TENM3: variants seen among roughly 807,000 people sequenced by gnomAD.
The protein encoded by TENM3 is teneurin-3.
In TENM3, 63 loss-of-function variants were observed where a neutral mutation model predicts 255.1. That is an observed-to-expected ratio of 0.25 (90% CI 0.20 to 0.30). The LOEUF (loss-of-function observed/expected upper bound fraction) is 0.30. Ranked by LOEUF, TENM3 falls within the 10% of genes least tolerant of loss-of-function variation. The probability of loss-of-function intolerance (pLI) is 1.00; values close to 1 mark genes in which losing one functional copy is unlikely to be tolerated. For synonymous variants in TENM3, 1,306 were observed against 1,322.3 expected, an observed-to-expected ratio of 0.99 and a Z score of 0.27; for missense variants, 2,929 against 3,461.1, an observed-to-expected ratio of 0.85 and a Z score of 3.86.
At chr4:182,305,032 T>G (rs28379789) in intron 1 of TENM3, among the ~76,000 whole-genome samples, 2,392 of 151,932 alleles carry the variant, frequency 0.016, 64 homozygotes, top group African/African-American at 0.054. Flanking sequence ...GAGACACAGG[T>G]GGATGGTAAG....
At chr4:181,730,996 A>G in the TENM3 span, among the ~76,000 whole-genome samples, 1 of 152,332 alleles carries the variant, frequency 6.6e-6, no homozygotes, top group African/African-American at 2.4e-5. Flanking sequence ...GTTCCACATT[A>G]TGAATTGTAG....
the TENM3 span, among the ~76,000 whole-genome samples, chr4:181,494,543 C>T: frequency 6.6e-6 from 1 of 152,162 alleles, no homozygotes; most frequent in Non-Finnish European, 1.5e-5. Context: ...GCCTCAGCCT[C>T]CCAAAGTGCT....
chr4:182,356,385 G>A (rs1416941050), intron 3 of TENM3, among the ~76,000 whole-genome samples: 1 of 152,150 alleles, frequency 6.6e-6, no homozygotes, highest in African/African-American at 2.4e-5. Flanking sequence ...GGGTGTGGAA[G>A]TCAAATCGTG....
intron 3 of TENM3, among the ~76,000 whole-genome samples, chr4:182,439,059 A>G (rs1274547041): frequency 2.0e-5 from 3 of 152,204 alleles, no homozygotes; most frequent in African/African-American, 7.2e-5. Context: ...CAGGAGTTAC[A>G]TTTAACTTGC....
intron 1 of TENM3, among the ~76,000 whole-genome samples, chr4:182,164,720 G>A (rs796584931): frequency 3.3e-5 from 5 of 152,222 alleles, no homozygotes; most frequent in African/African-American, 4.8e-5. Context: ...AACTGGTTGC[G>A]TGACATAGCA....
chr4:181,561,770 G>T, the TENM3 span, among the ~76,000 whole-genome samples: 4 of 152,150 alleles, frequency 2.6e-5, no homozygotes, highest in Non-Finnish European at 5.9e-5. Flanking sequence ...TGCATCTTCT[G>T]TTATTCTCAG....
At chr4:182,324,334 G>T in intron 2 of TENM3, 82 bp downstream of exon 2, 2 of 1,056,152 alleles carry the variant, frequency 1.9e-6, no homozygotes, top group East Asian at 4.8e-5. Context: ...AAGGTGACAT[G>T]TCTGTTTTCT....
At chr4:182,228,358 A>ATGTATGTGTGTG (rs1554035080) in intron 1 of TENM3, among the ~76,000 whole-genome samples, 9 of 109,014 alleles carry the variant, frequency 8.3e-5, no homozygotes, top group South Asian at 2.8e-4. Flanking sequence ...ATGTAATGTA[A>ATGTATGTGTGTG]TGTGTGTGTG....
intron 3 of TENM3, among the ~76,000 whole-genome samples, chr4:182,391,707 G>A (rs920659039): frequency 1.3e-5 from 2 of 152,172 alleles, no homozygotes; most frequent in African/African-American, 4.8e-5. Context: ...TTTAGAGATG[G>A]CAGAGATAAT....
the TENM3 span, among the ~76,000 whole-genome samples, chr4:181,735,668 C>T: frequency 6.6e-6 from 1 of 152,098 alleles, no homozygotes; most frequent in Non-Finnish European, 1.5e-5. Context: ...CAAACTCTAT[C>T]TAAATAAATA....
chr4:181,497,981 A>G, the TENM3 span, among the ~76,000 whole-genome samples: 2 of 152,180 alleles, frequency 1.3e-5, no homozygotes, highest in Non-Finnish European at 2.9e-5. Flanking sequence ...CTGCAGTACA[A>G]GAATTCAAAA....
the TENM3 span, among the ~76,000 whole-genome samples, chr4:181,992,007 T>TA: frequency 2.0e-5 from 3 of 152,214 alleles, no homozygotes; most frequent in East Asian, 1.9e-4. Context: ...GCTAAACCTT[T>TA]AAAAAAATTC....
the TENM3 span, among the ~76,000 whole-genome samples, chr4:181,674,225 T>A: frequency 1.3e-5 from 2 of 152,280 alleles, no homozygotes; most frequent in Admixed American, 1.3e-4. Context: ...CTTGAACTGC[T>A]GAGCTCAAGT....
At chr4:181,716,406 T>C in the TENM3 span, among the ~76,000 whole-genome samples, 2 of 152,212 alleles carry the variant, frequency 1.3e-5, no homozygotes, top group African/African-American at 4.8e-5. Context: ...CTAAGTGAAG[T>C]CCTGTGTCTG....
chr4:182,224,261 G>T (rs1756011748), intron 1 of TENM3, among the ~76,000 whole-genome samples: 1 of 152,094 alleles, frequency 6.6e-6, no homozygotes, highest in Non-Finnish European at 1.5e-5. Context: ...GAATAAAAGT[G>T]ACAAAATTAG....
intron 12 of TENM3, among the ~76,000 whole-genome samples, chr4:182,694,025 A>G (rs1757200080): frequency 6.6e-6 from 1 of 152,304 alleles, no homozygotes; most frequent in South Asian, 2.1e-4. Flanking sequence ...AATATAATCT[A>G]GTCTCATAAT....
intron 1 of TENM3, chr4:182,190,515 T>C (rs2149785457): frequency 6.6e-6 from 1 of 152,300 alleles, no homozygotes; most frequent in East Asian, 1.9e-4. Flanking sequence ...AGCAGAGTGC[T>C]GCAACAAGGT....
At chr4:181,448,430 C>A in the TENM3 span, among the ~76,000 whole-genome samples, 2 of 151,856 alleles carry the variant, frequency 1.3e-5, no homozygotes, top group Admixed American at 1.3e-4. Context: ...CTCGGCCTCC[C>A]AAAGTGCTGG....
intron 6 of TENM3, among the ~76,000 whole-genome samples, chr4:182,658,204 A>G (rs968540809): frequency 1.3e-5 from 2 of 152,122 alleles, no homozygotes; most frequent in African/African-American, 4.8e-5. Context: ...TAGTTAACCT[A>G]TCCCTCCTGT....
Sources: allele counts gnomAD v4.1 joint callset (sites outside exome capture counted in the v4.1 genomes callset), GRCh38; gene constraint gnomAD v4.1.1; transcripts MANE v1.5; gene names NCBI Gene and HGNC (gene_info 2026-07-23, HGNC 2026-07-21).